Variants in RBFOX3 observed in about 807,000 individuals in gnomAD.
RBFOX3 encodes the protein RNA binding protein fox-1 homolog 3.
RBFOX3 carries 17 observed loss-of-function variants against 48.7 expected under a neutral mutation model. The ratio of observed to expected loss-of-function variants is 0.35; its 90% CI spans 0.24 to 0.52. The LOEUF is 0.52. RBFOX3 is among the 20% of genes least tolerant of loss of function. RBFOX3 has a pLI of 0.94. For synonymous variants in RBFOX3, 212 were observed against 209.5 expected, an observed-to-expected ratio of 1.01 and a Z score of -0.10; for missense variants, 382 against 497.5, an observed-to-expected ratio of 0.77 and a Z score of 2.21.
In RBFOX3 at chr17:79,479,285, G is replaced by A. The variant is rs372150687; in HGVS notation, c.-175+3169C>T. 6.6e-5 allele frequency among the ~76,000 whole-genome samples: 10 copies of A among 152,318 alleles called. No individual in the cohort carries two copies. The Middle Eastern group carries it at 0.01, about 155-fold the overall frequency. Reference sequence around the variant, plus strand: ...TCCAGGCTGCAGGGAGAACCCAGGAGCTCGCGGGGCAGGAGGGTGTCTACA... The same window carrying A: ...TCCAGGCTGCAGGGAGAACCCAGGAACTCGCGGGGCAGGAGGGTGTCTACA... On this transcript the variant is annotated intron_variant, in intron 2 of 14. Transcript: ENST00000693108. This position sits in a 1 kb window ranked among gnomAD's most constrained non-coding sequence, Gnocchi z 5.1.
rs980227460 is a variant in RBFOX3, at chr17:79,321,741, T to C, written c.-174-13917A>G. On this transcript the variant is annotated intron_variant, in intron 2 of 14. Coordinates refer to ENST00000693108, the MANE Select transcript of RBFOX3 (RefSeq NM_001350451.2). The stretch of plus-strand genomic sequence containing the variant: ...TTTTTTTATAGACGGAGTCTCACTG[T>C]GTCACCCAGGCTGGAGTGCAGTGGC... Among the ~76,000 whole-genome samples the C allele has an allele frequency of 2.7e-5, 4 of 149,786 alleles. No individual in the cohort carries two copies. The Admixed American group carries it at 2.7e-4, about 10-fold the overall frequency.
At chr17:79,264,738 C>T (rs181836862) in intron 3 of RBFOX3, among the ~76,000 whole-genome samples, 7 of 152,230 alleles carry the variant, frequency 4.6e-5, no homozygotes, top group Admixed American at 1.3e-4. Context: ...AGCATGGGCC[C>T]GGGGTACAGT....
the RBFOX3 span, among the ~76,000 whole-genome samples, chr17:79,630,970 G>A: frequency 1.3e-5 from 2 of 152,074 alleles, no homozygotes; most frequent in African/African-American, 4.8e-5. Context: ...GGAGGCCACA[G>A]TCTCTTCAGA....
the RBFOX3 span, among the ~76,000 whole-genome samples, chr17:79,630,150 G>A: frequency 6.6e-6 from 1 of 152,212 alleles, no homozygotes; most frequent in African/African-American, 2.4e-5. Flanking sequence ...GGGGAAGGAA[G>A]ACTAAAGGAC....
At chr17:79,495,867 C>A (rs1266268040) in intron 1 of RBFOX3, among the ~76,000 whole-genome samples, 1 of 151,670 alleles carries the variant, frequency 6.6e-6, no homozygotes, top group Non-Finnish European at 1.5e-5. Flanking sequence ...AAGGCAGAGG[C>A]CCCTGTGGGC....
At position 79,293,567 on chromosome 17, in the gene RBFOX3, C is replaced by T. The variant is rs537087969; in HGVS notation, c.-74+14157G>A. Reference sequence around the variant, plus strand: ...TTCTGGGTTCAAGTGATTCTCCTGCCTCAGCCTCCTGAGTAGCTGGGATTA... The same window carrying T: ...TTCTGGGTTCAAGTGATTCTCCTGCTTCAGCCTCCTGAGTAGCTGGGATTA... On this transcript the variant is annotated intron_variant, in intron 3 of 14. Coordinates refer to ENST00000693108, the MANE Select transcript of RBFOX3 (RefSeq NM_001350451.2). Among the ~76,000 whole-genome samples the T allele has an allele frequency of 2.0e-5, 3 of 152,146 alleles. No homozygotes were observed. The South Asian group carries it at 6.2e-4, about 32-fold the overall frequency.
the RBFOX3 span, among the ~76,000 whole-genome samples, chr17:79,637,318 A>C: frequency 6.6e-6 from 1 of 152,234 alleles, no homozygotes; most frequent in Non-Finnish European, 1.5e-5. Flanking sequence ...ACACATATAC[A>C]GAACTTTCTA....
Position 79,480,470 on chromosome 17 carries a change from G to A in RBFOX3, c.-175+1984C>T, listed in dbSNP as rs2078620349. 1.3e-5 allele frequency among the ~76,000 whole-genome samples: 2 copies of A among 152,042 alleles called. No homozygotes were observed. The highest frequency in any genetic ancestry group is 4.8e-5 in the African/African-American group (2 of 41,376). On this transcript the variant is annotated intron_variant, in intron 2 of 14. Coordinates refer to ENST00000693108, the MANE Select transcript of RBFOX3 (RefSeq NM_001350451.2). The surrounding 1 kb of genome is among the most constrained non-coding windows in gnomAD (Gnocchi z 4.8). ...CTCAGGCCATTCAATCCCTCACTCA[G>A]AGCCCTGCAGTGGCTCCCACCACCC...
At chr17:79,152,417 CAGCCGAGGCAAGGA>C (rs2144891368) in intron 4 of RBFOX3, among the ~76,000 whole-genome samples, 1 of 152,018 alleles carries the variant, frequency 6.6e-6, no homozygotes, top group Admixed American at 6.5e-5. Context: ...GTGCGGGCCG[CAGCCGAGGCAAGGA>C]AGCAACCTCC....
intron 2 of RBFOX3, among the ~76,000 whole-genome samples, chr17:79,434,566 A>C (rs2069050422): frequency 6.6e-6 from 1 of 152,184 alleles, no homozygotes; most frequent in Admixed American, 6.5e-5. Context: ...TTCACATCAC[A>C]GTGGGAAATA....
chr17:79,472,516 A>C (rs974163939), intron 2 of RBFOX3, among the ~76,000 whole-genome samples: 1 of 152,206 alleles, frequency 6.6e-6, no homozygotes, highest in Non-Finnish European at 1.5e-5. Context: ...ACATGCACAG[A>C]TCAAGGGGCG....
intron 2 of RBFOX3, among the ~76,000 whole-genome samples, chr17:79,333,730 G>C (rs528741529): frequency 5.3e-4 from 81 of 152,228 alleles, no homozygotes; most frequent in African/African-American, 2.0e-3. Flanking sequence ...CCCTGGATGG[G>C]AGTTCAGCAA....
intron 2 of RBFOX3, among the ~76,000 whole-genome samples, chr17:79,345,962 C>T (rs1400188536): frequency 6.6e-6 from 1 of 151,874 alleles, no homozygotes; most frequent in South Asian, 2.1e-4. Context: ...AGTCTTTCAC[C>T]CAGGCTGGAA....
intron 4 of RBFOX3, among the ~76,000 whole-genome samples, chr17:79,194,514 G>C (rs902596299): frequency 1.3e-5 from 2 of 152,126 alleles, no homozygotes; most frequent in African/African-American, 4.8e-5. Context: ...GCTGAGGCAG[G>C]AGAATTGCTT....
At chr17:79,121,742 A>G (rs2035792492) in intron 4 of RBFOX3, among the ~76,000 whole-genome samples, 1 of 152,040 alleles carries the variant, frequency 6.6e-6, no homozygotes, top group Non-Finnish European at 1.5e-5. Flanking sequence ...ATTCCTGTCT[A>G]TCTCTCCAAC....
intron 2 of RBFOX3, among the ~76,000 whole-genome samples, chr17:79,461,124 C>T (rs1160383750): frequency 2.0e-5 from 3 of 152,230 alleles, no homozygotes; most frequent in African/African-American, 2.4e-5. Context: ...CTCCATGAAA[C>T]GGCAAGCTCC....
intron 1 of RBFOX3, among the ~76,000 whole-genome samples, chr17:79,490,663 A>C (rs2080350141): frequency 6.6e-6 from 1 of 151,822 alleles, no homozygotes; most frequent in Non-Finnish European, 1.5e-5. Flanking sequence ...TCCCTCCTGC[A>C]TGGATACTGG....
chr17:79,633,353 A>G, the RBFOX3 span, among the ~76,000 whole-genome samples: 470 of 152,348 alleles, frequency 3.1e-3, no homozygotes, highest in African/African-American at 0.01. Context: ...CAACCGGAGA[A>G]GCTCTGGGCT....
chr17:79,349,230 G>C (rs530968440), intron 2 of RBFOX3, among the ~76,000 whole-genome samples: 17 of 151,960 alleles, frequency 1.1e-4, no homozygotes, highest in Non-Finnish European at 1.6e-4. Flanking sequence ...CTCAGCCCCT[G>C]CACGTGCCTT....
Sources: gnomAD v4.1 joint callset for allele counts (sites outside exome capture counted in the v4.1 genomes callset) on GRCh38, gnomAD v4.1.1 for gene constraint, Gnocchi (gnomAD v3.1) non-coding constraint, MANE v1.5 for transcripts, NCBI Gene and HGNC (gene_info 2026-07-23, HGNC 2026-07-21) for gene names.